MCF2L2: variants seen among roughly 807,000 people sequenced by gnomAD.
MCF2L2 encodes MCF.2 cell line derived transforming sequence-like 2.
MCF2L2 carries 102 observed loss-of-function variants against 150.2 expected under a neutral mutation model. The ratio of observed to expected loss-of-function variants is 0.68; its 90% CI spans 0.58 to 0.80. The LOEUF (loss-of-function observed/expected upper bound fraction) is 0.80, where lower values mean the gene tolerates loss of function less well. MCF2L2 is among the 30% of genes least tolerant of loss of function. MCF2L2 has a pLI of 0.00. For missense variants in MCF2L2, 1,256 were observed against 1,372.8 expected (o/e 0.91, Z 1.34); for synonymous variants, 465 against 491.3 (o/e 0.95, Z 0.71).
chr3:183,222,333 C>CGAG (rs1271177376), intron 20 of MCF2L2, among the ~76,000 whole-genome samples: 3 of 152,002 alleles, frequency 2.0e-5, no homozygotes, highest in Non-Finnish European at 4.4e-5. Context: ...GGGCAGATCA[C>CGAG]GAGGTCAGGA....
chr3:183,284,268 T>A (rs1480831757), intron 14 of MCF2L2, among the ~76,000 whole-genome samples: 2 of 152,202 alleles, frequency 1.3e-5, no homozygotes, highest in African/African-American at 4.8e-5. Flanking sequence ...GACCCTATAC[T>A]AGCCTGAGAA....
chr3:183,387,169 G>T (rs758053928), intron 2 of MCF2L2, among the ~76,000 whole-genome samples: 3 of 151,908 alleles, frequency 2.0e-5, no homozygotes, highest in Admixed American at 6.6e-5. Context: ...GGAGGCTGAG[G>T]TAGGAGGATC....
At chr3:183,317,013 T>A (rs1176283461) in intron 7 of MCF2L2, among the ~76,000 whole-genome samples, 1 of 152,176 alleles carries the variant, frequency 6.6e-6, no homozygotes, top group African/African-American at 2.4e-5. Context: ...GGCCATTGTT[T>A]TTTTGAATAA....
chr3:183,183,469 A>C (rs1721596610), intron 27 of MCF2L2, among the ~76,000 whole-genome samples: 1 of 152,206 alleles, frequency 6.6e-6, no homozygotes, highest in Non-Finnish European at 1.5e-5. Flanking sequence ...GTGAGGGAAC[A>C]ACTGAGAGGC....
At chr3:183,192,007 A>ATT (rs768700058) in intron 27 of MCF2L2, among the ~76,000 whole-genome samples, 1 of 137,134 alleles carries the variant, frequency 7.3e-6, no homozygotes, top group African/African-American at 2.7e-5. Context: ...AGCGCAGCTA[A>ATT]TTTTTTTTTT....
At chr3:183,216,979 T>C (rs1722967403) in intron 21 of MCF2L2, among the ~76,000 whole-genome samples, 1 of 150,472 alleles carries the variant, frequency 6.6e-6, no homozygotes, top group East Asian at 2.0e-4. Context: ...ATACCCCTAT[T>C]CCCTGGGGCT....
rs773833576 is a variant in MCF2L2, at chr3:183,300,184, T to C, written c.1126A>G (p.Lys376Glu). Residue 376 changes from lysine to glutamate, a missense_variant, in exon 11 of 30, where the codon AAG becomes GAG. Coordinates refer to ENST00000328913, the MANE Select transcript of MCF2L2 (RefSeq NM_015078.4). Reference protein sequence around the residue: ...LEEKSQEPLEKAQLLALVGDQ... With the variant: ...LEEKSQEPLEEAQLLALVGDQ... ...CCAACCAGTGCCAGCAGCTGGGCCT[T>C]TTCCAGGGGCTCCTGCAAAGTGAAC... is the stretch of plus-strand genomic sequence containing the variant. The C allele has an allele frequency of 8.1e-6, 13 of 1,600,824 alleles. No individual in the cohort carries two copies. Among genetic ancestry groups the C allele is most frequent in the Non-Finnish European group, 1.1e-5 (13 of 1,176,584 alleles).
At chr3:183,206,043 G>C in intron 24 of MCF2L2, 79 bp downstream of exon 24, 1 of 1,551,860 alleles carries the variant, frequency 6.4e-7, no homozygotes, top group Non-Finnish European at 8.9e-7. Flanking sequence ...AGACTAATGA[G>C]ATAGAAAACA....
At chr3:183,420,392 G>A (rs1298926651) in intron 1 of MCF2L2, among the ~76,000 whole-genome samples, 1 of 152,176 alleles carries the variant, frequency 6.6e-6, no homozygotes, top group Non-Finnish European at 1.5e-5. Flanking sequence ...ACAAGGTCAG[G>A]AGTTCGAGAC....
rs550386301 is a variant in MCF2L2, at chr3:183,197,321, C to A, written c.2885-2066G>T. 6.6e-6 allele frequency among the ~76,000 whole-genome samples: 1 copy of A among 152,260 alleles called. No individual in the cohort carries two copies. Among genetic ancestry groups the A allele is most frequent in the African/African-American group, 2.4e-5 (1 of 41,558 alleles). On this transcript the variant is annotated intron_variant, in intron 25 of 29. Transcript: ENST00000328913. This position sits in a 1 kb window ranked among gnomAD's most constrained non-coding sequence, Gnocchi z 4.5. ...AGAATCAGGCATCCAGAAATAGATG[C>A]ACTTACATAAATCATCAATTGGAGA...
chr3:183,365,205 TAGAA>T (rs1401544070), intron 3 of MCF2L2, among the ~76,000 whole-genome samples: 3 of 152,142 alleles, frequency 2.0e-5, no homozygotes, highest in South Asian at 2.1e-4. Flanking sequence ...CTTGAACAAA[TAGAA>T]AGACACTTCT....
At chr3:183,334,050 G>A (rs1730373007) in intron 5 of MCF2L2, among the ~76,000 whole-genome samples, 1 of 151,574 alleles carries the variant, frequency 6.6e-6, no homozygotes, top group Non-Finnish European at 1.5e-5. Context: ...ATCTGGGACA[G>A]CTGGAGCACC....
chr3:183,298,603 C>A (rs1310645115), intron 11 of MCF2L2: 1 of 152,062 alleles, frequency 6.6e-6, no homozygotes, highest in African/African-American at 2.4e-5. Flanking sequence ...TGGATTTCCA[C>A]AATAATATGA....
chr3:183,223,295 T>G (rs1388959612), intron 20 of MCF2L2, 51 bp downstream of exon 20: 4 of 1,372,430 alleles, frequency 2.9e-6, no homozygotes, highest in Admixed American at 1.7e-5. Flanking sequence ...GGCACCACAG[T>G]GCAGGCGTCT....
rs756535784 is a variant in MCF2L2 at position 183,276,878 on chromosome 3, G to T, written c.1856C>A (p.Pro619His). 2.5e-6 allele frequency: 4 copies of T among 1,607,788 alleles called. No homozygotes were observed. Among genetic ancestry groups the T allele is most frequent in the Non-Finnish European group, 2.5e-6 (3 of 1,176,752 alleles). The part of the protein sequence containing the change: ...EQQARLGDLS[P>H]RRRIIRDLLE... ...CACGGATGTGCAGTCTTACCTGCGGGGGGAAAGGTCTCCGAGCCTGGCCTG... is the reference window on the plus strand; with the variant it reads ...CACGGATGTGCAGTCTTACCTGCGGTGGGAAAGGTCTCCGAGCCTGGCCTG... Residue 619 changes from proline (P) to histidine (H), a missense_variant, in exon 15 of 30, where the codon CCC (proline) becomes CAC (histidine). Transcript: ENST00000328913.
chr3:183,407,612 A>G (rs530394930), intron 1 of MCF2L2, among the ~76,000 whole-genome samples: 24 of 152,306 alleles, frequency 1.6e-4, no homozygotes, highest in African/African-American at 5.5e-4. Context: ...ACCAGGAAAC[A>G]TGATCTTTCT....
intron 5 of MCF2L2, among the ~76,000 whole-genome samples, chr3:183,327,967 G>A (rs1730118910): frequency 1.3e-5 from 2 of 152,234 alleles, no homozygotes; most frequent in Middle Eastern, 6.8e-3. Context: ...GGTGACTCAG[G>A]GTGGGAACTC....
chr3:183,371,642 T>A (rs78471491), intron 3 of MCF2L2, among the ~76,000 whole-genome samples: 10 of 62,356 alleles, frequency 1.6e-4, no homozygotes, highest in African/African-American at 1.4e-3. Context: ...TAATTTTTCT[T>A]TTTTTTTTTT....
At position 183,389,301 on chromosome 3, in the gene MCF2L2, C is replaced by A. The variant is rs1427163134; in HGVS notation, c.160+395G>T. On this transcript the variant is annotated intron_variant, in intron 2 of 29. Coordinates refer to ENST00000328913, the MANE Select transcript of MCF2L2 (RefSeq NM_015078.4). ...ACAATTCTCCCAGAGAACAAACAAC[C>A]TCAGCAACGCTCGGGAACCCTTAGA... Among the ~76,000 whole-genome samples the A allele has an allele frequency of 2.0e-5, 3 of 152,304 alleles. No individual in the cohort carries two copies. The East Asian group carries it at 5.8e-4, about 29-fold the overall frequency.
Sources: allele counts gnomAD v4.1 joint callset (sites outside exome capture counted in the v4.1 genomes callset), GRCh38; gene constraint gnomAD v4.1.1; non-coding constraint Gnocchi (gnomAD v3.1); transcripts MANE v1.5; gene names NCBI Gene and HGNC (gene_info 2026-07-23, HGNC 2026-07-21).